The following PPIP5K1 variants were observed in gnomAD, a reference collection of about 807,000 sequenced individuals.
The protein encoded by PPIP5K1 is diphosphoinositol pentakisphosphate kinase 1.
PPIP5K1 carries 6 observed loss-of-function variants against 27.7 expected under a neutral mutation model. That is an observed-to-expected ratio of 0.22 (90% CI 0.12 to 0.43). PPIP5K1 has a LOEUF of 0.43. Among genes scored for constraint, PPIP5K1 ranks in the 20% least tolerant of loss-of-function variants. PPIP5K1 has a pLI of 1.00. For missense variants in PPIP5K1, 394 were observed against 635.4 expected (o/e 0.62, Z 4.08); for synonymous variants, 145 against 242.6 (o/e 0.60, Z 3.74).
Position 43,535,235 on chromosome 15 carries a change from G to A in PPIP5K1, c.3912C>T (p.Thr1304=), listed in dbSNP as rs1233512027. Residue 1304 remains threonine, a synonymous_variant, in exon 32 of 32, where the codon ACC becomes ACT. Coordinates refer to ENST00000420765, the MANE Select transcript of PPIP5K1 (RefSeq NM_001394395.1). The stretch of plus-strand genomic sequence containing the variant: ...GGCTGACCTCCTCGTATGGCTGGCT[G>A]GTTTCCATAGGTGGCACCTGTGGGG... The part of the protein sequence containing the change: ...NQSPQVPPME[T]SQPYEEVSQP... 1.9e-6 allele frequency: 3 copies of A among 1,614,068 alleles called. No individual in the cohort carries two copies. The highest frequency in any genetic ancestry group is 1.7e-6 in the Non-Finnish European group (2 of 1,180,038).
Position 43,555,228 on chromosome 15 carries a change from A to G in PPIP5K1, c.3556+3567T>C, listed in dbSNP as rs372717145. On this transcript the variant is annotated intron_variant, in intron 30 of 31. Coordinates refer to ENST00000420765, the MANE Select transcript of PPIP5K1 (RefSeq NM_001394395.1). Reference sequence around the variant, plus strand: ...TGATTGCTTTTCTTCTGCTCACCTTATTATAATAGTCTTTCAATTAGAAAA... The same window carrying G: ...TGATTGCTTTTCTTCTGCTCACCTTGTTATAATAGTCTTTCAATTAGAAAA... 2.0e-4 allele frequency among the ~76,000 whole-genome samples: 30 copies of G among 152,274 alleles called. No individual in the cohort carries two copies. In the East Asian group the frequency reaches 5.2e-3, roughly 26 times the overall value.
intron 31 of PPIP5K1, among the ~76,000 whole-genome samples, chr15:43,537,831 C>A (rs1371397512): frequency 2.0e-5 from 3 of 149,714 alleles, no homozygotes; most frequent in African/African-American, 7.4e-5. Context: ...TGAGGCTACA[C>A]ACCTGATACT....
intron 30 of PPIP5K1, among the ~76,000 whole-genome samples, chr15:43,556,725 A>G (rs750543370): frequency 3.9e-5 from 6 of 152,122 alleles, no homozygotes; most frequent in Non-Finnish European, 8.8e-5. Context: ...AACAGAGAAA[A>G]TTCTTTGAGA....
chr15:43,546,949 G>A (rs754497137), intron 30 of PPIP5K1, among the ~76,000 whole-genome samples: 1 of 152,190 alleles, frequency 6.6e-6, no homozygotes, highest in African/African-American at 2.4e-5. Context: ...ATGAGCCACT[G>A]TGCCCAGCCT....
chr15:43,542,068 T>C (rs1459191124), intron 30 of PPIP5K1, among the ~76,000 whole-genome samples: 1 of 152,174 alleles, frequency 6.6e-6, no homozygotes, highest in East Asian at 1.9e-4. Context: ...CCCTTCTGAT[T>C]AGGGGTGATC....
At chr15:43,548,762 C>T (rs1161922156) in intron 30 of PPIP5K1, 5 of 151,338 alleles carry the variant, frequency 3.3e-5, no homozygotes, top group Admixed American at 1.3e-4. Context: ...TGCAGTGGCT[C>T]ACGCCTGTAA....
At chr15:43,555,038 T>A (rs1273604393) in intron 30 of PPIP5K1, among the ~76,000 whole-genome samples, 1 of 152,108 alleles carries the variant, frequency 6.6e-6, no homozygotes, top group Admixed American at 6.5e-5. Context: ...GGTTTCCCCA[T>A]GTTGGCCAGG....
chr15:43,539,576 A>G lies in PPIP5K1; in HGVS notation c.3564T>C (p.Phe1188=). Reference sequence around the variant, plus strand: ...AGGCCTGGCTGCTGTGCATGGAATCAAAGAGGGCTGGAAAGGAGGTAGGGT... The same window carrying G: ...AGGCCTGGCTGCTGTGCATGGAATCGAAGAGGGCTGGAAAGGAGGTAGGGT... ...DAQAQASAAL[F]DSMHSSQASD... is the part of the protein sequence containing the mutation. The change falls in exon 31 of 32, where the codon TTT becomes TTC. Residue 1188 remains phenylalanine, a synonymous_variant. Coordinates refer to ENST00000420765, the MANE Select transcript of PPIP5K1 (RefSeq NM_001394395.1). 6.3e-7 allele frequency: 1 copy of G among 1,589,938 alleles called. No individual in the cohort carries two copies. Among genetic ancestry groups the G allele is most frequent in the Non-Finnish European group, 8.6e-7 (1 of 1,161,306 alleles).
intron 31 of PPIP5K1, among the ~76,000 whole-genome samples, chr15:43,539,085 C>T (rs926516764): frequency 6.6e-6 from 1 of 151,992 alleles, no homozygotes; most frequent in Non-Finnish European, 1.5e-5. Context: ...GTGGTGCATG[C>T]CTGTAATCCC....
At chr15:43,545,055 G>A (rs2140555827) in intron 30 of PPIP5K1, among the ~76,000 whole-genome samples, 1 of 151,898 alleles carries the variant, frequency 6.6e-6, no homozygotes, top group African/African-American at 2.4e-5. Context: ...GTGGGCGCCT[G>A]TAGTCCCAGC....
At chr15:43,558,956 G>T (rs1567072737) in intron 29 of PPIP5K1, 24 bp from the exon 30 acceptor site, 1 of 1,611,648 alleles carries the variant, frequency 6.2e-7, no homozygotes, top group Non-Finnish European at 8.5e-7. Context: ...GATGGGCAAA[G>T]TCAATGTTAC....
At chr15:43,554,620 T>TACACACACACAC (rs757647925) in intron 30 of PPIP5K1, among the ~76,000 whole-genome samples, 14 of 130,082 alleles carry the variant, frequency 1.1e-4, no homozygotes, top group South Asian at 1.0e-3. Flanking sequence ...ACACCTGGCA[T>TACACACACACAC]ACACACACAC....
chr15:43,545,971 T>C (rs2081322735), intron 30 of PPIP5K1, among the ~76,000 whole-genome samples: 1 of 152,080 alleles, frequency 6.6e-6, no homozygotes, highest in Non-Finnish European at 1.5e-5. Context: ...GCCATTCTTT[T>C]ATTCCTTTAC....
intron 30 of PPIP5K1, among the ~76,000 whole-genome samples, chr15:43,550,267 C>G (rs1393315075): frequency 6.6e-6 from 1 of 152,082 alleles, no homozygotes; most frequent in East Asian, 1.9e-4. Context: ...TCTCAATTAG[C>G]TGGGACTACA....
chr15:43,551,606 G>GTTTT (rs1293557795), intron 30 of PPIP5K1, among the ~76,000 whole-genome samples: 1 of 105,462 alleles, frequency 9.5e-6, no homozygotes, highest in African/African-American at 5.2e-5. Flanking sequence ...TCTTGATTCA[G>GTTTT]TTTTTTTTTT....
At chr15:43,536,885 TA>T (rs1019876383) in intron 31 of PPIP5K1, among the ~76,000 whole-genome samples, 2 of 152,144 alleles carry the variant, frequency 1.3e-5, no homozygotes, top group South Asian at 2.1e-4. Flanking sequence ...AACGATATAT[TA>T]AAGCACTATG....
rs184874816 is a variant in PPIP5K1 at position 43,543,748 on chromosome 15, T to C, written c.3557-4165A>G. Among the ~76,000 whole-genome samples, 59 of 151,708 alleles carry C rather than the reference T, an allele frequency of 3.9e-4. No homozygotes were observed. In the East Asian group the frequency reaches 0.011, roughly 28 times the overall value. On this transcript the variant is annotated intron_variant, in intron 30 of 31. Coordinates refer to ENST00000420765, the MANE Select transcript of PPIP5K1 (RefSeq NM_001394395.1). ...ATTTATCTTACTTTGAAAATCCTCG[T>C]TCCTAATAACAGGAACATAATTCCT...
chr15:43,536,679 G>C (rs776544021), intron 31 of PPIP5K1, among the ~76,000 whole-genome samples: 32 of 152,060 alleles, frequency 2.1e-4, no homozygotes, highest in Admixed American at 4.6e-4. Flanking sequence ...AATGTTACAG[G>C]CTTGTGCATA....
intron 29 of PPIP5K1, 105 bp from the exon 30 acceptor site, chr15:43,559,037 GC>G: frequency 1.4e-6 from 2 of 1,418,974 alleles, no homozygotes; most frequent in Admixed American, 3.6e-5. Flanking sequence ...AGAGTCCGTG[GC>G]TTTTGGAGTG....
Sources: allele counts gnomAD v4.1 joint callset (sites outside exome capture counted in the v4.1 genomes callset), GRCh38; gene constraint gnomAD v4.1.1; transcripts MANE v1.5; gene names NCBI Gene and HGNC (gene_info 2026-07-23, HGNC 2026-07-21).